LARP1: variants seen among roughly 807,000 people sequenced by gnomAD.
LARP1 encodes the protein La ribonucleoprotein 1, translational regulator, also known as la-related protein 1.
A neutral mutation model predicts 122.7 loss-of-function variants in LARP1; 36 were observed. That is an observed-to-expected ratio of 0.29 (90% CI 0.22 to 0.39). LARP1 has a LOEUF of 0.39. Ranked by LOEUF, LARP1 falls within the 10% of genes least tolerant of loss-of-function variation. The probability of loss-of-function intolerance (pLI) is 1.00; values close to 1 mark genes in which losing one functional copy is unlikely to be tolerated. For missense variants in LARP1, 1,040 were observed against 1,403.6 expected (o/e 0.74, Z 4.14); for synonymous variants, 539 against 528.7 (o/e 1.02, Z -0.27).
chr5:154,812,953 C>T (rs1759408273), intron 18 of LARP1, among the ~76,000 whole-genome samples: 1 of 152,174 alleles, frequency 6.6e-6, no homozygotes, highest in Admixed American at 6.5e-5. Flanking sequence ...ATGGGAACTA[C>T]AATTCAAGAT....
intron 1 of LARP1, among the ~76,000 whole-genome samples, chr5:154,766,963 A>G (rs1716174484): frequency 6.6e-6 from 1 of 152,234 alleles, no homozygotes; most frequent in African/African-American, 2.4e-5. Flanking sequence ...TTTACAGGTT[A>G]GGAACTTCAA....
At chr5:154,709,328 A>G (rs1755101762), upstream of LARP1, among the ~76,000 whole-genome samples, 1 of 152,144 alleles carries the variant, frequency 6.6e-6, no homozygotes, top group Non-Finnish European at 1.5e-5. Flanking sequence ...TTCTTTTGAA[A>G]ACTCCAAAAG....
intron 1 of LARP1, among the ~76,000 whole-genome samples, chr5:154,767,467 C>T (rs188083360): frequency 5.9e-5 from 9 of 152,256 alleles, no homozygotes; most frequent in Admixed American, 2.0e-4. Context: ...AGGTAGCCTA[C>T]GTGAACTCTC....
At chr5:154,800,914 G>A (rs2113827722) in intron 10 of LARP1, among the ~76,000 whole-genome samples, 1 of 152,254 alleles carries the variant, frequency 6.6e-6, no homozygotes, top group South Asian at 2.1e-4. Flanking sequence ...AAAAAGTGTT[G>A]GAGATCCAGC....
At chr5:154,691,617 A>T (rs1484977475) in intron 1 of LARP1, among the ~76,000 whole-genome samples, 2 of 152,170 alleles carry the variant, frequency 1.3e-5, no homozygotes, top group African/African-American at 4.8e-5. Flanking sequence ...GCCCTTCGGC[A>T]TGAAGGTCTG....
chr5:154,778,930 A>G (rs572193862), intron 1 of LARP1, among the ~76,000 whole-genome samples: 2 of 152,334 alleles, frequency 1.3e-5, no homozygotes, highest in Non-Finnish European at 2.9e-5. Flanking sequence ...CATGGGACAT[A>G]TTTAGTCTAT....
chr5:154,797,945 A>G (rs1004994592), intron 8 of LARP1, among the ~76,000 whole-genome samples: 7 of 152,150 alleles, frequency 4.6e-5, no homozygotes, highest in African/African-American at 1.4e-4. Flanking sequence ...TCGGCTTCCA[A>G]AGTGTTGGGA....
chr5:154,744,138 TG>T (rs1388899391), intron 1 of LARP1, among the ~76,000 whole-genome samples: 1 of 152,166 alleles, frequency 6.6e-6, no homozygotes, highest in African/African-American at 2.4e-5. Flanking sequence ...GGGGAAGCCT[TG>T]GCAGGGGAGG....
At chr5:154,766,114 G>T (rs548106053) in intron 1 of LARP1, among the ~76,000 whole-genome samples, 42 of 152,338 alleles carry the variant, frequency 2.8e-4, no homozygotes, top group African/African-American at 9.4e-4. Flanking sequence ...TTGAGGAAAG[G>T]CCCTGGTGTT....
intron 1 of LARP1, among the ~76,000 whole-genome samples, chr5:154,697,870 G>C (rs544695234): frequency 2.0e-5 from 3 of 152,288 alleles, no homozygotes; most frequent in Non-Finnish European, 4.4e-5. Flanking sequence ...CTATCCTCCA[G>C]GCTGGAGTGC....
chr5:154,733,751 C>T (rs917235421), intron 1 of LARP1, among the ~76,000 whole-genome samples: 5 of 151,876 alleles, frequency 3.3e-5, no homozygotes, highest in African/African-American at 1.2e-4. Flanking sequence ...TTAGTAGAGA[C>T]GAGATTTTGC....
In LARP1 at chr5:154,762,935, A is replaced by T. The variant is rs376530068; in HGVS notation, c.436+6742A>T. 1.7e-4 allele frequency among the ~76,000 whole-genome samples: 26 copies of T among 152,138 alleles called. No individual in the cohort carries two copies. In the South Asian group the frequency reaches 5.4e-3, roughly 32 times the overall value. ...GGTTTTTGCTCTGCTTTTCACTTAA[A>T]CTAATTTATTTAGGCTCTTGATAAT... On this transcript the variant is annotated intron_variant, in intron 1 of 18. Transcript: ENST00000518297.
At position 154,781,905 on chromosome 5, in the gene LARP1, T is replaced by A. The variant is rs187321703; in HGVS notation, c.437-8420T>A. Reference sequence around the variant, plus strand: ...AGTAATTGATTGCAGTCTAGTGGAGTTGAGATACACACAGATGCAACCATT... The same window carrying A: ...AGTAATTGATTGCAGTCTAGTGGAGATGAGATACACACAGATGCAACCATT... On this transcript the variant is annotated intron_variant, in intron 1 of 18. Transcript: ENST00000518297. Among the ~76,000 whole-genome samples, 273 of 152,162 alleles carry A rather than the reference T, an allele frequency of 1.8e-3. 4 individuals carry two copies. In the East Asian group the frequency reaches 0.024, roughly 13 times the overall value.
rs986034596 is a variant in LARP1 at position 154,796,136 on chromosome 5, ATATT to A, written c.1377+821_1377+824del. Among the ~76,000 whole-genome samples, 4 of 125,428 alleles carry A rather than the reference ATATT, an allele frequency of 3.2e-5. No individual in the cohort carries two copies. In the Admixed American group the frequency reaches 3.2e-4, roughly 10 times the overall value. The allele number at this position is 125,428 out of a possible 152,430, so 82.3% of individuals were successfully genotyped here. On this transcript the variant is annotated intron_variant, in intron 8 of 18. Coordinates refer to ENST00000518297, the MANE Select transcript of LARP1 (RefSeq NM_033551.3). ...AGTATATATATTATATATATTTTAT[ATATT>A]TATATATTATATATATATTTTATGT...
chr5:154,721,205 G>A (rs976331171), intron 1 of LARP1, among the ~76,000 whole-genome samples: 1 of 151,960 alleles, frequency 6.6e-6, no homozygotes, highest in Non-Finnish European at 1.5e-5. Context: ...AGATTAGCCC[G>A]GCATGGTGGT....
intron 1 of LARP1, among the ~76,000 whole-genome samples, chr5:154,701,414 G>A (rs772172301): frequency 5.9e-5 from 9 of 152,038 alleles, no homozygotes; most frequent in Non-Finnish European, 1.2e-4. Context: ...CTCCCTTCTG[G>A]CAACAGCAAC....
upstream of LARP1, among the ~76,000 whole-genome samples, chr5:154,711,218 T>C (rs1755203158): frequency 6.6e-6 from 1 of 151,740 alleles, no homozygotes; most frequent in Non-Finnish European, 1.5e-5. Flanking sequence ...CTTGGCTCAC[T>C]GCAACCTCCA....
Position 154,803,884 on chromosome 5 carries a change from T to G in LARP1, c.2439+139T>G. On this transcript the variant is annotated intron_variant, in intron 13 of 18. Transcript: ENST00000518297. This position sits in a 1 kb window ranked among gnomAD's most constrained non-coding sequence, Gnocchi z 4.4. ...GCTCTGTGTTCTGAGGCTGGTGGGC[T>G]TACCTAGGATTAGGTAGCCACATCT... The G allele has an allele frequency of 1.1e-6, 1 of 911,962 alleles. No individual in the cohort carries two copies. The highest frequency in any genetic ancestry group is 1.7e-6 in the Non-Finnish European group (1 of 591,388). The allele number at this position is 911,962 out of a possible 1,614,324, so 56.5% of individuals were successfully genotyped here.
upstream of LARP1, among the ~76,000 whole-genome samples, chr5:154,753,103 T>C (rs1019747562): frequency 1.3e-5 from 2 of 152,170 alleles, no homozygotes; most frequent in Non-Finnish European, 2.9e-5. Context: ...CTGAGTAGCA[T>C]GAACGAGTTT....
Sources: allele counts gnomAD v4.1 joint callset (sites outside exome capture counted in the v4.1 genomes callset), GRCh38; gene constraint gnomAD v4.1.1; non-coding constraint Gnocchi (gnomAD v3.1); transcripts MANE v1.5; gene names NCBI Gene and HGNC (gene_info 2026-07-23, HGNC 2026-07-21).